The following RGS3 variants were observed in gnomAD, a reference collection of about 807,000 sequenced individuals.
The protein encoded by RGS3 is regulator of G-protein signalling 3.
RGS3 carries 80 observed loss-of-function variants against 132.6 expected under a neutral mutation model. That is an observed-to-expected ratio of 0.60 (90% CI 0.50 to 0.73). The LOEUF (loss-of-function observed/expected upper bound fraction) is 0.73, where lower values mean the gene tolerates loss of function less well. Ranked by LOEUF, RGS3 falls within the 30% of genes least tolerant of loss-of-function variation. The pLI, the probability that RGS3 is intolerant of heterozygous loss-of-function variation, is 0.00. For synonymous variants in RGS3, 598 were observed against 620.6 expected (o/e 0.96, Z 0.54); for missense variants, 1,382 against 1,530.8 (o/e 0.90, Z 1.62).
chr9:113,505,268 C>T, intron 10 of RGS3, 174 bp from the exon 9 acceptor site: 2 of 610,788 alleles, frequency 3.3e-6, no homozygotes, highest in African/African-American at 1.8e-5. Context: ...ACCCAGTGCT[C>T]AAGTTGTCTG....
intron 1 of RGS3, among the ~76,000 whole-genome samples, chr9:113,452,084 A>C (rs550064434): frequency 6.6e-6 from 1 of 152,124 alleles, no homozygotes; most frequent in East Asian, 1.9e-4. Context: ...CTGCAGCCTC[A>C]AATTCCTGGG....
At chr9:113,477,102 A>G (rs1200110315) in intron 3 of RGS3, among the ~76,000 whole-genome samples, 1 of 152,096 alleles carries the variant, frequency 6.6e-6, no homozygotes, top group East Asian at 1.9e-4. Flanking sequence ...AGGAAGCCAC[A>G]ATGAAGTAAT....
intron 17 of RGS3, among the ~76,000 whole-genome samples, chr9:113,524,211 C>T (rs1832094941): frequency 6.6e-6 from 1 of 152,188 alleles, no homozygotes; most frequent in Non-Finnish European, 1.5e-5. Context: ...CTCCATACCC[C>T]CAGCCCCTCC....
chr9:113,475,707 A>G (rs145066687), intron 3 of RGS3, among the ~76,000 whole-genome samples: 2,220 of 151,110 alleles, frequency 0.015, 60 homozygotes, highest in African/African-American at 0.051. Flanking sequence ...ACCACACCCC[A>G]CAAAGACAAG....
intron 7 of RGS3, among the ~76,000 whole-genome samples, chr9:113,488,992 A>C (rs1287325474): frequency 3.3e-5 from 5 of 152,198 alleles, no homozygotes; most frequent in Admixed American, 1.3e-4. Context: ...CATGAAAGAC[A>C]ATTGTGGAAG....
At chr9:113,487,100 CTTT>C (rs60523804) in intron 7 of RGS3, among the ~76,000 whole-genome samples, 5 of 116,958 alleles carry the variant, frequency 4.3e-5, no homozygotes, top group Non-Finnish European at 3.6e-5. Flanking sequence ...TCATTTAATT[CTTT>C]TTTTTTTTTT....
chr9:113,485,942 C>G (rs1271994322), intron 7 of RGS3, among the ~76,000 whole-genome samples: 5 of 152,204 alleles, frequency 3.3e-5, no homozygotes, highest in Non-Finnish European at 5.9e-5. Flanking sequence ...ACTGGGGAAG[C>G]CGACCAGCCT....
intron 19 of RGS3, among the ~76,000 whole-genome samples, chr9:113,573,723 C>T (rs371536446): frequency 7.5e-4 from 114 of 152,286 alleles, no homozygotes; most frequent in Admixed American, 1.8e-3. Flanking sequence ...CACTGCCCCT[C>T]CCAACACCAG....
chr9:113,563,018 G>A (rs1163925879), intron 19 of RGS3, among the ~76,000 whole-genome samples: 1 of 152,246 alleles, frequency 6.6e-6, no homozygotes, highest in East Asian at 1.9e-4. Context: ...GGGAGGCAGA[G>A]GGCAGTGGCT....
Position 113,565,202 on chromosome 9 carries a change from C to A in RGS3, c.2038-18248C>A, listed in dbSNP as rs1287748602. 1 of 1,249,078 alleles carries A rather than the reference C, an allele frequency of 8.0e-7. No homozygotes were observed. Among genetic ancestry groups the A allele is most frequent in the South Asian group, 1.3e-5 (1 of 74,168 alleles). The allele number at this position is 1,249,078 out of a possible 1,614,324, so 77.4% of individuals were successfully genotyped here. On this transcript the variant is annotated intron_variant, in intron 19 of 24. Coordinates refer to ENST00000350696, the Ensembl canonical transcript of RGS3. The surrounding 1 kb of genome is among the most constrained non-coding windows in gnomAD (Gnocchi z 5.7). Reference sequence around the variant, plus strand: ...ACCCGGGAGCCAGCTGGGCCCCTCGCGGGGTGGGCAGAAGGACGGGCTGGC... The same window carrying A: ...ACCCGGGAGCCAGCTGGGCCCCTCGAGGGGTGGGCAGAAGGACGGGCTGGC...
intron 17 of RGS3, among the ~76,000 whole-genome samples, chr9:113,525,858 G>C (rs1204748532): frequency 1.3e-5 from 2 of 152,214 alleles, no homozygotes; most frequent in African/African-American, 2.4e-5. Context: ...TGACTAAAAG[G>C]AGAGCAGAAG....
chr9:113,593,076 A>G (rs975159105), intron 21 of RGS3: 1 of 152,170 alleles, frequency 6.6e-6, no homozygotes, highest in Non-Finnish European at 1.5e-5. Context: ...GTTTGAGGAA[A>G]CAGCTTGACA....
chr9:113,498,481 A>G lies in RGS3; in HGVS notation c.897+401A>G, dbSNP rs571909086. Reference sequence around the variant, plus strand: ...CAGCTGCGATTCTGAACCTGAGACCAAGGTGTTCTAACTCTATTAGGGCTT... The same window carrying G: ...CAGCTGCGATTCTGAACCTGAGACCGAGGTGTTCTAACTCTATTAGGGCTT... On this transcript the variant is annotated intron_variant, in intron 10 of 24. Coordinates refer to ENST00000350696, the Ensembl canonical transcript of RGS3. Among the ~76,000 whole-genome samples the G allele has an allele frequency of 8.1e-4, 123 of 152,286 alleles. 1 individual carries two copies. Among genetic ancestry groups the G allele is most frequent in the Middle Eastern group, 6.8e-3 (2 of 294 alleles).
At chr9:113,498,374 C>G (rs1192865907) in intron 10 of RGS3, among the ~76,000 whole-genome samples, 2 of 152,140 alleles carry the variant, frequency 1.3e-5, no homozygotes, top group Non-Finnish European at 2.9e-5. Context: ...CCTCCCCTTC[C>G]CACAGACTTC....
intron 19 of RGS3, among the ~76,000 whole-genome samples, chr9:113,559,720 T>C (rs1170855328): frequency 6.6e-6 from 1 of 152,210 alleles, no homozygotes; most frequent in African/African-American, 2.4e-5. Context: ...TGTACCTCAG[T>C]TTCCTGATCT....
upstream of RGS3, among the ~76,000 whole-genome samples, chr9:113,457,430 C>T (rs1829388740): frequency 6.6e-6 from 1 of 152,172 alleles, no homozygotes; most frequent in South Asian, 2.1e-4. Flanking sequence ...ACCCAATCTC[C>T]CACTTGACTA....
In RGS3 at chr9:113,564,553, T is replaced by C. The variant is rs536173777; in HGVS notation, c.2038-18897T>C. Among the ~76,000 whole-genome samples, 18 of 152,296 alleles carry C rather than the reference T, an allele frequency of 1.2e-4. No homozygotes were observed. The South Asian group carries it at 3.7e-3, about 32-fold the overall frequency. On this transcript the variant is annotated intron_variant, in intron 19 of 24. Coordinates refer to ENST00000350696, the Ensembl canonical transcript of RGS3. ...CCAGTGCTGGAGCTGGAACTGGAGCTGGGGACCCTCTCCTCCCAGTCCAGG... is the reference window on the plus strand; with the variant it reads ...CCAGTGCTGGAGCTGGAACTGGAGCCGGGGACCCTCTCCTCCCAGTCCAGG...
Position 113,508,577 on chromosome 9 carries a change from G to T in RGS3, c.1474G>T (p.Glu492Ter). Residue 492 changes from glutamate (E) to a stop codon, truncating the protein, a stop_gained, in exon 14 of 25, where the codon GAA (glutamate) becomes TAA (stop). Coordinates refer to ENST00000350696, the Ensembl canonical transcript of RGS3. LOFTEE classifies it high-confidence loss of function. Reference sequence around the variant, plus strand: ...TGTGTACCAGGAGGATACCATCCCCGAAGGTGAGTCTCCTGCTGCTGCTGT... The same window carrying T: ...TGTGTACCAGGAGGATACCATCCCCTAAGGTGAGTCTCCTGCTGCTGCTGT... The T allele has an allele frequency of 6.2e-7, 1 of 1,612,204 alleles. No individual in the cohort carries two copies.
intron 18 of RGS3, among the ~76,000 whole-genome samples, chr9:113,535,851 C>G (rs566707702): frequency 6.6e-6 from 1 of 152,112 alleles, no homozygotes; most frequent in African/African-American, 2.4e-5. Context: ...TGAGAGTACC[C>G]GGTTGTGGGT....
Sources: allele counts gnomAD v4.1 joint callset (sites outside exome capture counted in the v4.1 genomes callset), GRCh38; gene constraint gnomAD v4.1.1; non-coding constraint Gnocchi (gnomAD v3.1); transcripts MANE v1.5; gene names NCBI Gene and HGNC (gene_info 2026-07-23, HGNC 2026-07-21).